The following ASPRV1 variants were observed in gnomAD, a reference collection of about 807,000 sequenced individuals.
ASPRV1 encodes the protein retroviral-like aspartic protease 1.
A neutral mutation model predicts 11.0 loss-of-function variants in ASPRV1; 7 were observed. That is an observed-to-expected ratio of 0.64 (90% CI 0.36 to 1.20). ASPRV1 has a LOEUF of 1.20. Among genes scored for constraint, ASPRV1 ranks in the 50% most tolerant of loss-of-function variants. ASPRV1 has a pLI of 0.02. For missense variants in ASPRV1, 299 were observed against 320.0 expected, an observed-to-expected ratio of 0.93 and a Z score of 0.50; for synonymous variants, 136 against 138.4, an observed-to-expected ratio of 0.98 and a Z score of 0.12.
the ASPRV1 span, among the ~76,000 whole-genome samples, chr2:70,062,849 G>C: frequency 1.3e-5 from 2 of 152,166 alleles, no homozygotes; most frequent in African/African-American, 4.8e-5. Context: ...TCCCAAAGCA[G>C]AAAATAGAAG....
downstream of ASPRV1, among the ~76,000 whole-genome samples, chr2:69,956,553 A>C (rs1196090956): frequency 6.6e-6 from 1 of 151,992 alleles, no homozygotes; most frequent in Non-Finnish European, 1.5e-5. Context: ...GAAGAAGAAG[A>C]AGGAGATTAG....
the ASPRV1 span, among the ~76,000 whole-genome samples, chr2:69,953,372 A>G: frequency 2.0e-5 from 3 of 152,240 alleles, no homozygotes; most frequent in Non-Finnish European, 2.9e-5. Context: ...GTGGCGGGAC[A>G]GCACATGGGG....
the ASPRV1 span, among the ~76,000 whole-genome samples, chr2:69,979,513 C>T: frequency 2.8e-3 from 422 of 152,252 alleles, 2 homozygotes; most frequent in Non-Finnish European, 4.6e-3. Flanking sequence ...TACTATGTCC[C>T]TCTGGGAGGG....
At chr2:70,050,102 T>C in the ASPRV1 span, 1 of 151,914 alleles carries the variant, frequency 6.6e-6, no homozygotes, top group South Asian at 2.1e-4. Flanking sequence ...GCCAACATAG[T>C]GAAACCATCT....
At chr2:69,978,521 G>A in the ASPRV1 span, among the ~76,000 whole-genome samples, 14 of 152,172 alleles carry the variant, frequency 9.2e-5, no homozygotes, top group African/African-American at 2.4e-4. Context: ...AGGAGATAAC[G>A]CATAACAGCC....
the ASPRV1 span, among the ~76,000 whole-genome samples, chr2:70,033,314 CAT>C: frequency 7.8e-4 from 115 of 148,058 alleles, 1 homozygote; most frequent in African/African-American, 2.4e-3. Context: ...CACACACACA[CAT>C]ATATGCACTC....
chr2:70,023,276 G>C, the ASPRV1 span, among the ~76,000 whole-genome samples: 1 of 152,178 alleles, frequency 6.6e-6, no homozygotes, highest in African/African-American at 2.4e-5. Flanking sequence ...AATCTGATGT[G>C]ATACAACAGC....
At chr2:69,967,583 G>T in the ASPRV1 span, among the ~76,000 whole-genome samples, 1 of 152,156 alleles carries the variant, frequency 6.6e-6, no homozygotes, top group African/African-American at 2.4e-5. Context: ...TAGTCTCTGG[G>T]TAAAATGGAA....
chr2:69,969,093 G>C, the ASPRV1 span, among the ~76,000 whole-genome samples: 2 of 152,146 alleles, frequency 1.3e-5, no homozygotes, highest in African/African-American at 4.8e-5. Context: ...GTTTCTAGAA[G>C]GGTTGGTCCA....
At chr2:69,988,887 C>T in the ASPRV1 span, 1 of 448,346 alleles carries the variant, frequency 2.2e-6, no homozygotes, top group South Asian at 1.6e-5. Flanking sequence ...CACACAGGTT[C>T]CCCTCAATCT....
At chr2:70,071,660 T>C in the ASPRV1 span, 1 of 152,168 alleles carries the variant, frequency 6.6e-6, no homozygotes, top group Admixed American at 6.6e-5. Context: ...AAGAATCACT[T>C]GAACCCAGGA....
chr2:70,036,519 G>C, the ASPRV1 span, among the ~76,000 whole-genome samples: 1 of 152,138 alleles, frequency 6.6e-6, no homozygotes, highest in Non-Finnish European at 1.5e-5. Flanking sequence ...GCAGGAAGAG[G>C]AGAACAGAGT....
the ASPRV1 span, among the ~76,000 whole-genome samples, chr2:70,042,704 A>G: frequency 6.6e-6 from 1 of 152,118 alleles, no homozygotes; most frequent in Non-Finnish European, 1.5e-5. Flanking sequence ...ATGAGGCTGC[A>G]GGGGTTGAGG....
At chr2:69,973,860 C>T in the ASPRV1 span, among the ~76,000 whole-genome samples, 21 of 152,006 alleles carry the variant, frequency 1.4e-4, no homozygotes, top group African/African-American at 5.1e-4. Context: ...TGAATAAAGC[C>T]CTGATTTGTG....
At chr2:70,019,552 A>G in the ASPRV1 span, among the ~76,000 whole-genome samples, 2 of 152,220 alleles carry the variant, frequency 1.3e-5, no homozygotes. Flanking sequence ...AAAATGTGGT[A>G]CATATACACA....
chr2:70,004,747 T>G, the ASPRV1 span, among the ~76,000 whole-genome samples: 1 of 152,240 alleles, frequency 6.6e-6, no homozygotes, highest in East Asian at 1.9e-4. Flanking sequence ...CTGCTCTATC[T>G]CCTCACCTAA....
At chr2:69,991,490 T>C in the ASPRV1 span, among the ~76,000 whole-genome samples, 1 of 152,260 alleles carries the variant, frequency 6.6e-6, no homozygotes, top group Non-Finnish European at 1.5e-5. Context: ...CAAAGTCATT[T>C]ATTGTTCCTC....
the ASPRV1 span, among the ~76,000 whole-genome samples, chr2:70,022,294 C>T: frequency 6.8e-6 from 1 of 147,570 alleles, no homozygotes; most frequent in Non-Finnish European, 1.5e-5. Context: ...GGATTACAGG[C>T]ATGAGCCACC....
the ASPRV1 span, among the ~76,000 whole-genome samples, chr2:69,983,927 T>G: frequency 6.6e-6 from 1 of 152,212 alleles, no homozygotes; most frequent in Admixed American, 6.5e-5. Flanking sequence ...AGACTAGCAC[T>G]GCCTCTGCCC....
Sources: allele counts gnomAD v4.1 joint callset (sites outside exome capture counted in the v4.1 genomes callset), GRCh38; gene constraint gnomAD v4.1.1; transcripts MANE v1.5; gene names NCBI Gene and HGNC (gene_info 2026-07-23, HGNC 2026-07-21).